The following MTUS2 variants were observed in gnomAD, a reference collection of about 807,000 sequenced individuals.
The protein encoded by MTUS2 is microtubule associated scaffold protein 2, also known as microtubule-associated tumor suppressor candidate 2.
In MTUS2, 40 loss-of-function variants were observed where a neutral mutation model predicts 114.1. The ratio of observed to expected loss-of-function variants is 0.35; its 90% CI spans 0.27 to 0.46. The LOEUF (loss-of-function observed/expected upper bound fraction) is 0.46, where lower values mean the gene tolerates loss of function less well. MTUS2 is among the 20% of genes least tolerant of loss of function. MTUS2 has a pLI of 1.00. For missense variants in MTUS2, 1,679 were observed against 1,705.4 expected, an observed-to-expected ratio of 0.98 and a Z score of 0.27; for synonymous variants, 688 against 672.0, an observed-to-expected ratio of 1.02 and a Z score of -0.37.
In MTUS2 at chr13:28,845,720, A is replaced by G. The variant is rs372734133; in HGVS notation, c.-243+5870A>G. 7.2e-5 allele frequency among the ~76,000 whole-genome samples: 11 copies of G among 151,762 alleles called. No homozygotes were observed. The East Asian group carries it at 1.9e-3, about 27-fold the overall frequency. ...TGTTGCTCAGAATAAGAGGGTACGTAAGTCATCAGATAGCCACAAAGAAGG... is the reference window on the plus strand; with the variant it reads ...TGTTGCTCAGAATAAGAGGGTACGTGAGTCATCAGATAGCCACAAAGAAGG... On this transcript the variant is annotated intron_variant, in intron 2 of 15. Coordinates refer to ENST00000612955, the MANE Select transcript of MTUS2 (RefSeq NM_001033602.4).
At chr13:29,250,199 A>G (rs911146488) in intron 5 of MTUS2, among the ~76,000 whole-genome samples, 9 of 152,150 alleles carry the variant, frequency 5.9e-5, no homozygotes, top group African/African-American at 1.7e-4. Flanking sequence ...AAGGAATAAC[A>G]TGTTCAAGTT....
chr13:28,945,194 T>TATATATATATATATACACACAC (rs1555276495), intron 2 of MTUS2, among the ~76,000 whole-genome samples: 4 of 150,998 alleles, frequency 2.6e-5, no homozygotes, highest in African/African-American at 9.9e-5. Context: ...TATATATATA[T>TATATATATATATATACACACAC]ACACCACATT....
intron 11 of MTUS2, chr13:29,489,997 C>G (rs1442899829): frequency 6.6e-6 from 1 of 152,172 alleles, no homozygotes; most frequent in African/African-American, 2.4e-5. Flanking sequence ...GTGGATTTTT[C>G]TGACTAACGA....
At chr13:29,502,446 C>T (rs560463034) in intron 15 of MTUS2, among the ~76,000 whole-genome samples, 12 of 152,364 alleles carry the variant, frequency 7.9e-5, no homozygotes, top group Admixed American at 5.9e-4. Context: ...CTCTGTCCTC[C>T]GGAGCTCCCA....
chr13:29,099,281 A>C (rs1320696623), intron 4 of MTUS2, among the ~76,000 whole-genome samples: 2 of 152,034 alleles, frequency 1.3e-5, no homozygotes, highest in Admixed American at 6.5e-5. Context: ...GACAGGCTTG[A>C]GTTGGGAATA....
intron 2 of MTUS2, among the ~76,000 whole-genome samples, chr13:28,950,480 G>C (rs1331617232): frequency 6.6e-6 from 1 of 152,098 alleles, no homozygotes; most frequent in Non-Finnish European, 1.5e-5. Flanking sequence ...TACCTTTGTT[G>C]CTTGTAATTT....
chr13:28,918,136 A>T (rs1053554645), intron 2 of MTUS2, among the ~76,000 whole-genome samples: 2 of 151,990 alleles, frequency 1.3e-5, no homozygotes, highest in Non-Finnish European at 2.9e-5. Flanking sequence ...TTAGGAAAAG[A>T]ATATGTATTC....
At chr13:29,178,477 A>C (rs981469790) in intron 5 of MTUS2, among the ~76,000 whole-genome samples, 1 of 152,150 alleles carries the variant, frequency 6.6e-6, no homozygotes, top group Non-Finnish European at 1.5e-5. Context: ...CCTTAGCCCT[A>C]CTGGAGTTTT....
At chr13:29,219,364 G>C (rs1299053363) in intron 5 of MTUS2, among the ~76,000 whole-genome samples, 2 of 149,714 alleles carry the variant, frequency 1.3e-5, no homozygotes, top group Non-Finnish European at 3.0e-5. Flanking sequence ...TCTTAATCCA[G>C]TCTATCATTG....
At chr13:29,254,608 A>C (rs1039569786) in intron 5 of MTUS2, among the ~76,000 whole-genome samples, 2 of 152,238 alleles carry the variant, frequency 1.3e-5, no homozygotes, top group Non-Finnish European at 2.9e-5. Context: ...TGGGATTTCT[A>C]TTCTGAAAAC....
At chr13:29,362,938 T>C (rs946213355) in intron 8 of MTUS2, among the ~76,000 whole-genome samples, 2 of 152,134 alleles carry the variant, frequency 1.3e-5, no homozygotes, top group African/African-American at 4.8e-5. Flanking sequence ...CGTCCAGGGA[T>C]TCTAAGATGC....
At chr13:29,003,897 G>T (rs549891149) in intron 2 of MTUS2, among the ~76,000 whole-genome samples, 20 of 152,266 alleles carry the variant, frequency 1.3e-4, no homozygotes, top group African/African-American at 4.8e-4. Flanking sequence ...CTCTCATCTA[G>T]TCTCACCATC....
rs184954654 is a variant in MTUS2, at chr13:29,221,697, T to G, written c.2645-60007T>G. Among the ~76,000 whole-genome samples the G allele has an allele frequency of 7.9e-5, 12 of 152,266 alleles. No individual in the cohort carries two copies. The East Asian group carries it at 2.3e-3, about 29-fold the overall frequency. On this transcript the variant is annotated intron_variant, in intron 5 of 15. Transcript: ENST00000612955. ...TTTTATTTTTAATCAAATTTATCATTCTTTTTCATTATGATTTGTGTTCTT... is the reference window on the plus strand; with the variant it reads ...TTTTATTTTTAATCAAATTTATCATGCTTTTTCATTATGATTTGTGTTCTT...
intron 4 of MTUS2, among the ~76,000 whole-genome samples, chr13:29,060,543 C>CTTTTTTTTTTTTT (rs1162860492): frequency 9.9e-6 from 1 of 101,210 alleles, no homozygotes; most frequent in African/African-American, 3.7e-5. Flanking sequence ...CCTAGCCCTT[C>CTTTTTTTTTTTTT]TTTTTTTTTT....
chr13:29,342,609 G>A (rs781000821), intron 7 of MTUS2, among the ~76,000 whole-genome samples: 2 of 152,058 alleles, frequency 1.3e-5, no homozygotes, highest in Admixed American at 6.5e-5. Context: ...GGTGAACAGC[G>A]ACAGTTTGAC....
intron 8 of MTUS2, among the ~76,000 whole-genome samples, chr13:29,373,108 A>T (rs6490397): frequency 6.6e-6 from 1 of 152,038 alleles, no homozygotes; most frequent in Non-Finnish European, 1.5e-5. Flanking sequence ...GAGCTCCAGG[A>T]GAAACTTTTT....
chr13:29,051,700 TG>T (rs1319381073), intron 4 of MTUS2, among the ~76,000 whole-genome samples: 1 of 152,202 alleles, frequency 6.6e-6, no homozygotes, highest in Non-Finnish European at 1.5e-5. Flanking sequence ...TGAATGCCAC[TG>T]GGCAGTTGGA....
chr13:29,398,067 G>T (rs1443080232), intron 8 of MTUS2, among the ~76,000 whole-genome samples: 1 of 152,118 alleles, frequency 6.6e-6, no homozygotes, highest in East Asian at 1.9e-4. Context: ...TTTTATGTTG[G>T]TATTGTAAAT....
At chr13:28,912,866 TA>T (rs1168036225) in intron 2 of MTUS2, among the ~76,000 whole-genome samples, 3 of 152,184 alleles carry the variant, frequency 2.0e-5, no homozygotes, top group South Asian at 2.1e-4. Context: ...TGCACATTTT[TA>T]AAAAAAATTT....
Sources: gnomAD v4.1 joint callset for allele counts (sites outside exome capture counted in the v4.1 genomes callset) on GRCh38, gnomAD v4.1.1 for gene constraint, MANE v1.5 for transcripts, NCBI Gene and HGNC (gene_info 2026-07-23, HGNC 2026-07-21) for gene names.